The following RPH3A variants were observed in gnomAD, a reference collection of about 807,000 sequenced individuals.
RPH3A encodes the protein rabphilin-3A.
A neutral mutation model predicts 102.2 loss-of-function variants in RPH3A; 48 were observed. The observed-to-expected ratio is 0.47, with a 90% CI of 0.37 to 0.60. RPH3A has a LOEUF of 0.60. RPH3A is among the 20% of genes least tolerant of loss of function. The pLI is 0.00. For synonymous variants in RPH3A, 310 were observed against 324.3 expected, an observed-to-expected ratio of 0.96 and a Z score of 0.47; for missense variants, 781 against 910.1, an observed-to-expected ratio of 0.86 and a Z score of 1.83.
intron 1 of RPH3A, among the ~76,000 whole-genome samples, chr12:112,718,935 C>A (rs943350510): frequency 6.6e-6 from 1 of 152,182 alleles, no homozygotes; most frequent in Non-Finnish European, 1.5e-5. Flanking sequence ...TGGTTTCTTT[C>A]TTCTCACAGA....
rs2043201703 is a variant in RPH3A at position 112,897,524 on chromosome 12, A to G, written c.*744A>G. ...CCTCTTCTTTCCCTTCCATGATAGT[A>G]GATTCTCTCTTTCTCAGCCTCTCCC... is the stretch of plus-strand genomic sequence containing the variant. On this transcript the variant is annotated 3_prime_UTR_variant, in exon 22 of 22. Coordinates refer to ENST00000389385, the MANE Select transcript of RPH3A (RefSeq NM_001143854.2). 1 of 152,304 alleles carries G rather than the reference A, an allele frequency of 6.6e-6. No homozygotes were observed. The highest frequency in any genetic ancestry group is 1.5e-5 in the Non-Finnish European group (1 of 68,162). 9.4% of individuals were successfully genotyped at this position (152,304 alleles called of 1,614,324 possible). A position where few individuals can be genotyped will look rare whatever the true frequency, so the allele number is the denominator to read the frequency against.
At chr12:112,612,278 C>A (rs928063762) in intron 1 of RPH3A, among the ~76,000 whole-genome samples, 1 of 152,196 alleles carries the variant, frequency 6.6e-6, no homozygotes, top group Non-Finnish European at 1.5e-5. Flanking sequence ...TGATCTTCCA[C>A]ATCACGACTC....
chr12:112,882,996 A>G (rs1258256640), intron 15 of RPH3A, among the ~76,000 whole-genome samples: 1 of 152,188 alleles, frequency 6.6e-6, no homozygotes, highest in Non-Finnish European at 1.5e-5. Flanking sequence ...TCCCTGACCT[A>G]TAAATGATTT....
chr12:112,699,474 C>T (rs768135229), intron 1 of RPH3A, among the ~76,000 whole-genome samples: 4 of 152,158 alleles, frequency 2.6e-5, no homozygotes, highest in Admixed American at 1.3e-4. Flanking sequence ...CACTGATGCA[C>T]GTGACCACAT....
At chr12:112,579,108 C>T (rs1360626822) in intron 1 of RPH3A, among the ~76,000 whole-genome samples, 2 of 152,162 alleles carry the variant, frequency 1.3e-5, no homozygotes, top group African/African-American at 4.8e-5. Flanking sequence ...ACAGCCTCCC[C>T]CAATCCCATG....
chr12:112,618,963 T>G (rs536152370), intron 1 of RPH3A, among the ~76,000 whole-genome samples: 5 of 152,350 alleles, frequency 3.3e-5, no homozygotes, highest in Non-Finnish European at 2.9e-5. Flanking sequence ...TATTTGTCCT[T>G]TTGCGACTGG....
At chr12:112,737,374 G>T (rs1162926127) in intron 1 of RPH3A, among the ~76,000 whole-genome samples, 1 of 151,988 alleles carries the variant, frequency 6.6e-6, no homozygotes. Context: ...ACCTTATAGG[G>T]TTATTATCAA....
rs993955262 is a variant in RPH3A, at chr12:112,826,939, GTATACCTGAGCATATTTCTCAGGTA to G, written c.-18-1351_-18-1327del. Reference sequence around the variant, plus strand: ...GAACATAAGCACTTTTTTCTTGGGTGTATACCTGAGCATATTTCTCAGGTATATACCTGAGTAGAATTCCTGAGCC... The same window carrying G: ...GAACATAAGCACTTTTTTCTTGGGTGTATACCTGAGTAGAATTCCTGAGCC... On this transcript the variant is annotated intron_variant, in intron 2 of 21. Transcript: ENST00000389385. Among the ~76,000 whole-genome samples, 11 of 152,170 alleles carry G rather than the reference GTATACCTGAGCATATTTCTCAGGTA, an allele frequency of 7.2e-5. 1 individual carries two copies. The highest frequency in any genetic ancestry group is 6.8e-3 in the Middle Eastern group (2 of 294).
chr12:112,772,536 TA>T (rs1335437311), intron 1 of RPH3A, among the ~76,000 whole-genome samples: 1 of 152,178 alleles, frequency 6.6e-6, no homozygotes. Flanking sequence ...AAACAATAGC[TA>T]AGGTTGTACT....
At chr12:112,878,144 G>C (rs1292139145) in intron 13 of RPH3A, among the ~76,000 whole-genome samples, 2 of 152,180 alleles carry the variant, frequency 1.3e-5, no homozygotes, top group African/African-American at 2.4e-5. Context: ...GGTCTCAGGA[G>C]AAAGGAGAGG....
At position 112,668,557 on chromosome 12, in the gene RPH3A, G is replaced by C. The variant is rs548647715; in HGVS notation, c.-140+93238G>C. 4.6e-4 allele frequency among the ~76,000 whole-genome samples: 70 copies of C among 152,220 alleles called. No individual in the cohort carries two copies. In the South Asian group the frequency reaches 0.014, roughly 30 times the overall value. ...CATCATTCTCAGCAAACTAACACAG[G>C]AACAGAAAACCAAACACCACATGTT... On this transcript the variant is annotated intron_variant, in intron 1 of 21. Transcript: ENST00000543106.
intron 1 of RPH3A, among the ~76,000 whole-genome samples, chr12:112,758,668 A>G (rs1406974829): frequency 6.6e-6 from 1 of 152,254 alleles, no homozygotes; most frequent in African/African-American, 2.4e-5. Context: ...CAAGCTAGTC[A>G]GTGATTGAGC....
At chr12:112,836,073 C>A (rs960249537) in intron 3 of RPH3A, among the ~76,000 whole-genome samples, 1 of 152,184 alleles carries the variant, frequency 6.6e-6, no homozygotes, top group Non-Finnish European at 1.5e-5. Flanking sequence ...ACTTGCCTCC[C>A]CAAACTGGGG....
rs187445952 is a variant in RPH3A, at chr12:112,664,210, T to G, written c.-140+88891T>G. On this transcript the variant is annotated intron_variant, in intron 1 of 21. Transcript: ENST00000543106. ...TCATATGGCTTAAGCATGGAGTACA[T>G]GTGGAGTGGTTGGAGGCAAGAAAGG... is the stretch of plus-strand genomic sequence containing the variant. Among the ~76,000 whole-genome samples, 29 of 151,996 alleles carry G rather than the reference T, an allele frequency of 1.9e-4. No individual in the cohort carries two copies. The East Asian group carries it at 5.0e-3, about 26-fold the overall frequency.
At chr12:112,743,790 C>T (rs1212297127) in intron 1 of RPH3A, among the ~76,000 whole-genome samples, 1 of 152,106 alleles carries the variant, frequency 6.6e-6, no homozygotes, top group Non-Finnish European at 1.5e-5. Context: ...TAAGAGGAGG[C>T]TTTGGGCAAA....
chr12:112,856,559 T>C lies in RPH3A; in HGVS notation c.230+8717T>C, dbSNP rs367546656. ...ATGCCTCTACAGGCGTGCCTGTGGA[T>C]ATATATGTGTGGATGCATGTGTCAT... On this transcript the variant is annotated intron_variant, in intron 5 of 21. Transcript: ENST00000389385. Among the ~76,000 whole-genome samples the C allele has an allele frequency of 2.0e-4, 31 of 152,058 alleles. No individual in the cohort carries two copies. In the East Asian group the frequency reaches 5.3e-3, roughly 26 times the overall value.
At chr12:112,804,122 G>A (rs2041410452) in intron 2 of RPH3A, among the ~76,000 whole-genome samples, 1 of 152,172 alleles carries the variant, frequency 6.6e-6, no homozygotes, top group East Asian at 1.9e-4. Context: ...CTCCATTACA[G>A]ATGAAGGAAC....
intron 2 of RPH3A, among the ~76,000 whole-genome samples, chr12:112,826,692 T>C (rs1455399493): frequency 6.6e-6 from 1 of 152,234 alleles, no homozygotes; most frequent in African/African-American, 2.4e-5. Flanking sequence ...AACAGTGTGT[T>C]CTCTTTTGTT....
chr12:112,819,934 C>T (rs896525958), intron 2 of RPH3A, among the ~76,000 whole-genome samples: 3 of 152,232 alleles, frequency 2.0e-5, no homozygotes, highest in South Asian at 2.1e-4. Context: ...TCTACTGTCC[C>T]GTTGGCCACA....
Sources: gnomAD v4.1 joint callset for allele counts (sites outside exome capture counted in the v4.1 genomes callset) on GRCh38, gnomAD v4.1.1 for gene constraint, MANE v1.5 for transcripts, NCBI Gene and HGNC (gene_info 2026-07-23, HGNC 2026-07-21) for gene names.